Variants in RBFOX3 observed in about 807,000 individuals in gnomAD.
The protein encoded by RBFOX3 is RNA binding protein fox-1 homolog 3.
A neutral mutation model predicts 48.7 loss-of-function variants in RBFOX3; 17 were observed. That is an observed-to-expected ratio of 0.35 (90% confidence interval 0.24 to 0.52). The LOEUF is 0.52. Among genes scored for constraint, RBFOX3 ranks in the 20% least tolerant of loss-of-function variants. The probability of loss-of-function intolerance (pLI) is 0.94; values close to 1 mark genes in which losing one functional copy is unlikely to be tolerated. For missense variants in RBFOX3, 382 were observed against 497.5 expected, an observed-to-expected ratio of 0.77 and a Z score of 2.21; for synonymous variants, 212 against 209.5, an observed-to-expected ratio of 1.01 and a Z score of -0.10.
chr17:79,108,260 G>A (rs966694170), intron 5 of RBFOX3, among the ~76,000 whole-genome samples: 1 of 152,234 alleles, frequency 6.6e-6, no homozygotes, highest in Non-Finnish European at 1.5e-5. Flanking sequence ...AGGAGACTGG[G>A]GTCCCTTAGA....
intron 2 of RBFOX3, among the ~76,000 whole-genome samples, chr17:79,376,597 C>A (rs2059249004): frequency 6.6e-6 from 1 of 152,186 alleles, no homozygotes; most frequent in African/African-American, 2.4e-5. Context: ...ATTACCAGGG[C>A]ATCCCCGGCC....
intron 6 of RBFOX3, among the ~76,000 whole-genome samples, chr17:79,104,390 G>C (rs765025940): frequency 6.6e-6 from 1 of 152,082 alleles, no homozygotes; most frequent in Non-Finnish European, 1.5e-5. Flanking sequence ...GACAGGGACA[G>C]CTCTCCCAGC....
At chr17:79,587,114 G>A (rs983197758) in intron 1 of RBFOX3, among the ~76,000 whole-genome samples, 5 of 152,306 alleles carry the variant, frequency 3.3e-5, no homozygotes, top group African/African-American at 4.8e-5. Context: ...ACTGGTGGGC[G>A]CAAGGCAGAA....
At chr17:79,560,047 T>G in intron 1 of RBFOX3, among the ~76,000 whole-genome samples, 1 of 66,614 alleles carries the variant, frequency 1.5e-5, no homozygotes, top group Non-Finnish European at 2.8e-5. Flanking sequence ...AATGGGTGGG[T>G]GGATGAATAG....
Position 79,103,345 on chromosome 17 carries a change from G to C in RBFOX3, c.415-91C>G. 1.2e-6 allele frequency: 1 copy of C among 848,718 alleles called. No individual in the cohort carries two copies. The allele number at this position is 848,718 out of a possible 1,614,324, so 52.6% of individuals were successfully genotyped here. A position where few individuals can be genotyped will look rare whatever the true frequency, so the allele number is the denominator to read the frequency against. On this transcript the variant is annotated intron_variant, in intron 7 of 14. Coordinates refer to ENST00000693108, the MANE Select transcript of RBFOX3 (RefSeq NM_001350451.2). The surrounding 1 kb of genome is among the most constrained non-coding windows in gnomAD (Gnocchi z 6.1). ...GACGAGGAAGAAGAGGAGTGGGAGG[G>C]GGGCAGGGGAGTGGGGAGAGAGAGA...
In RBFOX3 at chr17:79,297,695, G is replaced by A. The variant is rs1053829920; in HGVS notation, c.-74+10029C>T. On this transcript the variant is annotated intron_variant, in intron 3 of 14. Transcript: ENST00000693108. Reference sequence around the variant, plus strand: ...TGGTTTATTCATAATAAACACAGCCGGCCACACTGACCAGTCCATAGGTCC... The same window carrying A: ...TGGTTTATTCATAATAAACACAGCCAGCCACACTGACCAGTCCATAGGTCC... Among the ~76,000 whole-genome samples the A allele has an allele frequency of 7.2e-5, 11 of 152,224 alleles. No individual in the cohort carries two copies. The East Asian group carries it at 1.3e-3, about 19-fold the overall frequency.
At chr17:79,545,391 A>G (rs1307021645) in intron 1 of RBFOX3, among the ~76,000 whole-genome samples, 1 of 152,210 alleles carries the variant, frequency 6.6e-6, no homozygotes, top group African/African-American at 2.4e-5. Context: ...GGGGAAGAAG[A>G]GAAAACAGCC....
the RBFOX3 span, among the ~76,000 whole-genome samples, chr17:79,631,838 A>T: frequency 6.6e-6 from 1 of 152,222 alleles, no homozygotes; most frequent in African/African-American, 2.4e-5. Flanking sequence ...GAAGGATGCC[A>T]GCTCTGTGGG....
Position 79,101,647 on chromosome 17 carries a change from G to A in RBFOX3, c.508-3C>T, listed in dbSNP as rs1458886843. The A allele has an allele frequency of 6.4e-7, 1 of 1,551,032 alleles. No individual in the cohort carries two copies. Among genetic ancestry groups the A allele is most frequent in the Non-Finnish European group, 8.7e-7 (1 of 1,146,774 alleles). On this transcript the variant is annotated splice_polypyrimidine_tract_variant and splice_region_variant and intron_variant, in intron 8 of 14. Transcript: ENST00000693108. Reference sequence around the variant, plus strand: ...ACTCGGGCCGTGGCATTATTGACCTGTTCAAAGAGGGAAGGAGAGAGAGGA... The same window carrying A: ...ACTCGGGCCGTGGCATTATTGACCTATTCAAAGAGGGAAGGAGAGAGAGGA...
Position 79,452,888 on chromosome 17 carries a change from T to C in RBFOX3, c.-175+29566A>G, listed in dbSNP as rs188779245. Among the ~76,000 whole-genome samples, 12 of 152,298 alleles carry C rather than the reference T, an allele frequency of 7.9e-5. No homozygotes were observed. The East Asian group carries it at 1.7e-3, about 22-fold the overall frequency. ...CAGGGCCTTTGGACCAAGAAGCCAGTGGAGAGGAAGCAGCACCGTGGTGCC... is the reference window on the plus strand; with the variant it reads ...CAGGGCCTTTGGACCAAGAAGCCAGCGGAGAGGAAGCAGCACCGTGGTGCC... On this transcript the variant is annotated intron_variant, in intron 2 of 14. Transcript: ENST00000693108.
chr17:79,453,533 G>A (rs1425504727), intron 2 of RBFOX3, among the ~76,000 whole-genome samples: 2 of 152,228 alleles, frequency 1.3e-5, no homozygotes, highest in Non-Finnish European at 1.5e-5. Flanking sequence ...GGATAACAGA[G>A]GGGACTGGCA....
intron 2 of RBFOX3, among the ~76,000 whole-genome samples, chr17:79,353,641 C>T (rs2084386286): frequency 6.6e-6 from 1 of 152,204 alleles, no homozygotes; most frequent in Non-Finnish European, 1.5e-5. Context: ...GGAAAAGCCA[C>T]GTGATTCTGC....
chr17:79,352,884 A>G (rs1291721670), intron 2 of RBFOX3, among the ~76,000 whole-genome samples: 1 of 152,218 alleles, frequency 6.6e-6, no homozygotes, highest in Admixed American at 6.5e-5. Context: ...CACTGGGGCC[A>G]CATCAGTTCT....
intron 2 of RBFOX3, among the ~76,000 whole-genome samples, chr17:79,322,575 A>G (rs945862492): frequency 1.3e-5 from 2 of 152,210 alleles, no homozygotes; most frequent in Non-Finnish European, 2.9e-5. Flanking sequence ...TGTGTCACGC[A>G]GCATCCAAAG....
intron 3 of RBFOX3, among the ~76,000 whole-genome samples, chr17:79,237,015 C>G (rs2061709439): frequency 6.6e-6 from 1 of 152,110 alleles, no homozygotes. Flanking sequence ...ATGTACAATT[C>G]AGTGGTATTG....
chr17:79,281,190 G>A (rs1261251252), intron 3 of RBFOX3, among the ~76,000 whole-genome samples: 1 of 152,288 alleles, frequency 6.6e-6, no homozygotes, highest in Non-Finnish European at 1.5e-5. Flanking sequence ...GAACAGCCTT[G>A]TGGAGTTGAG....
At chr17:79,584,629 T>G (rs2093180623) in intron 1 of RBFOX3, among the ~76,000 whole-genome samples, 1 of 152,098 alleles carries the variant, frequency 6.6e-6, no homozygotes, top group African/African-American at 2.4e-5. Flanking sequence ...GCGACGTGGA[T>G]GGAACTGGAG....
At chr17:79,607,164 G>A (rs1232834588) in intron 1 of RBFOX3, among the ~76,000 whole-genome samples, 1 of 152,154 alleles carries the variant, frequency 6.6e-6, no homozygotes, top group Non-Finnish European at 1.5e-5. Flanking sequence ...GCCTGTGGCA[G>A]GCAGGGATTT....
At chr17:79,138,910 A>ACC (rs1472750560) in intron 4 of RBFOX3, among the ~76,000 whole-genome samples, 1 of 50,972 alleles carries the variant, frequency 2.0e-5, no homozygotes, top group African/African-American at 8.0e-5. Flanking sequence ...TCACACCCTC[A>ACC]CCCGCACACG....
Sources: allele counts gnomAD v4.1 joint callset (sites outside exome capture counted in the v4.1 genomes callset), GRCh38; gene constraint gnomAD v4.1.1; non-coding constraint Gnocchi (gnomAD v3.1); transcripts MANE v1.5; gene names NCBI Gene and HGNC (gene_info 2026-07-23, HGNC 2026-07-21).